Variants in SLC38A3 observed in about 807,000 individuals in gnomAD.
SLC38A3 encodes solute carrier family 38 member 3.
SLC38A3 carries 17 observed loss-of-function variants against 59.5 expected under a neutral mutation model. That is an observed-to-expected ratio of 0.29 (90% confidence interval 0.20 to 0.43). SLC38A3 has a LOEUF of 0.43. Ranked by LOEUF, SLC38A3 falls within the 20% of genes least tolerant of loss-of-function variation. SLC38A3 has a pLI of 1.00. For synonymous variants in SLC38A3, 238 were observed against 260.3 expected (o/e 0.91, Z 0.82); for missense variants, 454 against 653.9 (o/e 0.69, Z 3.33).
rs781153412 is a variant in SLC38A3, at chr3:50,217,489, T to C, written c.690+16T>C. 1 of 1,612,282 alleles carries C rather than the reference T, an allele frequency of 6.2e-7. No homozygotes were observed. Among genetic ancestry groups the C allele is most frequent in the Non-Finnish European group, 8.5e-7 (1 of 1,179,120 alleles). On this transcript the variant is annotated intron_variant, in intron 9 of 15. Transcript: ENST00000614032. This position sits in a 1 kb window ranked among gnomAD's most constrained non-coding sequence, Gnocchi z 4.9. ...CCTAATTGCAGTGAGTCACCCTCCA[T>C]GTTGGCTGAGAAAGCGGGCAGCGGG...
At chr3:50,206,477 T>C (rs1261163658) in intron 1 of SLC38A3, among the ~76,000 whole-genome samples, 1 of 152,212 alleles carries the variant, frequency 6.6e-6, no homozygotes, top group Non-Finnish European at 1.5e-5. Context: ...CATTTCCTTC[T>C]GGAAAGGAAG....
Position 50,220,251 on chromosome 3 carries a change from G to C in SLC38A3, c.*74G>C, listed in dbSNP as rs1699878718. ...ACTCTTCAGCCCCTGCTCCCATCCA[G>C]TGGCCAGTCGGGGGAGGAGAAAGAC... On this transcript the variant is annotated 3_prime_UTR_variant, in exon 16 of 16. Transcript: ENST00000614032. The C allele has an allele frequency of 5.2e-6, 6 of 1,155,474 alleles. No individual in the cohort carries two copies. The highest frequency in any genetic ancestry group is 7.6e-6 in the Non-Finnish European group (6 of 794,250). The allele number at this position is 1,155,474 out of a possible 1,614,324, so 71.6% of individuals were successfully genotyped here.
chr3:50,215,730 C>G lies in SLC38A3; in HGVS notation c.467-10C>G. ...CCTCAGCGCCTGCCTGCCCGCCCCT[C>G]TCCCCACAGCCATGTCCAGCTACCT... On this transcript the variant is annotated splice_polypyrimidine_tract_variant and intron_variant, in intron 6 of 15. Transcript: ENST00000614032. This position sits in a 1 kb window ranked among gnomAD's most constrained non-coding sequence, Gnocchi z 7.1. 6.2e-7 allele frequency: 1 copy of G among 1,604,852 alleles called. No individual in the cohort carries two copies. The highest frequency in any genetic ancestry group is 8.5e-7 in the Non-Finnish European group (1 of 1,176,190).
Position 50,214,163 on chromosome 3 carries a change from G to T in SLC38A3, c.-37G>T, listed in dbSNP as rs1016163305. On this transcript the variant is annotated 5_prime_UTR_variant, in exon 2 of 16. Coordinates refer to ENST00000614032, the MANE Select transcript of SLC38A3 (RefSeq NM_006841.6). This position sits in a 1 kb window ranked among gnomAD's most constrained non-coding sequence, Gnocchi z 6.0. ...CTGCTCTGCAGACATCTGACTGTTGGTGTGAGACCAGTGCTCCTGGTGGTG... is the reference window on the plus strand; with the variant it reads ...CTGCTCTGCAGACATCTGACTGTTGTTGTGAGACCAGTGCTCCTGGTGGTG... 11 of 1,589,116 alleles carry T rather than the reference G, an allele frequency of 6.9e-6. No individual in the cohort carries two copies. The African/African-American group carries it at 1.3e-4, about 19-fold the overall frequency.
In SLC38A3 at chr3:50,217,483, C is replaced by T. The variant is rs587763777; in HGVS notation, c.690+10C>T. The T allele has an allele frequency of 2.5e-5, 41 of 1,612,504 alleles. No individual in the cohort carries two copies. In the African/African-American group the frequency reaches 4.5e-4, roughly 18 times the overall value. ...GTTCTTCCTAATTGCAGTGAGTCAC[C>T]CTCCATGTTGGCTGAGAAAGCGGGC... is the stretch of plus-strand genomic sequence containing the variant. On this transcript the variant is annotated intron_variant, in intron 9 of 15. Coordinates refer to ENST00000614032, the MANE Select transcript of SLC38A3 (RefSeq NM_006841.6). The surrounding 1 kb of genome is among the most constrained non-coding windows in gnomAD (Gnocchi z 4.9).
rs1021111491 is a variant in SLC38A3, at chr3:50,218,394, G to A, written c.1036+24G>A. 6.4e-7 allele frequency: 1 copy of A among 1,571,988 alleles called. No individual in the cohort carries two copies. Among genetic ancestry groups the A allele is most frequent in the Non-Finnish European group, 8.8e-7 (1 of 1,141,842 alleles). The stretch of plus-strand genomic sequence containing the variant: ...CAGTACGGTGGCACCGGTGGGCAGA[G>A]GCCTAGGCTAGGCTGGGGGGAAGGG... On this transcript the variant is annotated intron_variant, in intron 12 of 15. Transcript: ENST00000614032. This position sits in a 1 kb window ranked among gnomAD's most constrained non-coding sequence, Gnocchi z 5.8.
At chr3:50,208,589 G>T (rs1699678146) in intron 1 of SLC38A3, among the ~76,000 whole-genome samples, 1 of 152,172 alleles carries the variant, frequency 6.6e-6, no homozygotes, top group African/African-American at 2.4e-5. Context: ...CTGTCTTGTT[G>T]TCTGTCTCTT....
chr3:50,213,522 G>C (rs1368135124), intron 1 of SLC38A3, among the ~76,000 whole-genome samples: 1 of 152,194 alleles, frequency 6.6e-6, no homozygotes, highest in South Asian at 2.1e-4. Flanking sequence ...CTCTGGGGAG[G>C]GGGGACAGCC....
At position 50,218,737 on chromosome 3, in the gene SLC38A3, G is replaced by A; in HGVS notation, c.1161+20G>A. ...TTCCCGGTGAGCTGGTGGGCAGGTG[G>A]CTAGACTAGTGGCGGGAGGGGCTGA... On this transcript the variant is annotated intron_variant, in intron 13 of 15. Coordinates refer to ENST00000614032, the MANE Select transcript of SLC38A3 (RefSeq NM_006841.6). This position sits in a 1 kb window ranked among gnomAD's most constrained non-coding sequence, Gnocchi z 5.8. 6.2e-7 allele frequency: 1 copy of A among 1,602,258 alleles called. No individual in the cohort carries two copies. The highest frequency in any genetic ancestry group is 8.5e-7 in the Non-Finnish European group (1 of 1,169,938).
At chr3:50,219,835 A>G in intron 14 of SLC38A3, 46 bp from the exon 15 acceptor site, 10 of 1,501,712 alleles carry the variant, frequency 6.7e-6, no homozygotes, top group Non-Finnish European at 9.1e-6. Flanking sequence ...AACCTTAGTC[A>G]GTAGGAGGAT....
chr3:50,209,660 A>AAAAAAAAAAAAAAAAAAAAAAAAC (rs1699696900), intron 1 of SLC38A3, among the ~76,000 whole-genome samples: 1 of 151,450 alleles, frequency 6.6e-6, no homozygotes, highest in African/African-American at 2.4e-5. Flanking sequence ...AAAAAAAAAA[A>AAAAAAAAAAAAAAAAAAAAAAAAC]CAAGAAAAAA....
At chr3:50,211,109 C>T (rs1699720209) in intron 1 of SLC38A3, among the ~76,000 whole-genome samples, 1 of 152,224 alleles carries the variant, frequency 6.6e-6, no homozygotes, top group African/African-American at 2.4e-5. Flanking sequence ...TGGGCTTTCA[C>T]CACAGGGGAT....
chr3:50,217,628 G>A lies in SLC38A3; in HGVS notation c.691-48G>A. On this transcript the variant is annotated intron_variant, in intron 9 of 15. Transcript: ENST00000614032. The surrounding 1 kb of genome is among the most constrained non-coding windows in gnomAD (Gnocchi z 4.9). ...ATGTGGCTTCATGGTGACTTCCCAG[G>A]CAGTCCAGCCTGGGAGTCTCTGACA... 6.2e-7 allele frequency: 1 copy of A among 1,607,068 alleles called. No homozygotes were observed.
At chr3:50,209,581 G>A (rs543849893) in intron 1 of SLC38A3, among the ~76,000 whole-genome samples, 8 of 151,938 alleles carry the variant, frequency 5.3e-5, no homozygotes, top group African/African-American at 1.7e-4. Context: ...CCCAGGAGGC[G>A]GAGGTTGCAG....
At chr3:50,213,526 G>T (rs1699764774) in intron 1 of SLC38A3, among the ~76,000 whole-genome samples, 1 of 152,204 alleles carries the variant, frequency 6.6e-6, no homozygotes, top group Non-Finnish European at 1.5e-5. Flanking sequence ...GGGGAGGGGG[G>T]ACAGCCTCTG....
In SLC38A3 at chr3:50,221,075, G is replaced by A. The variant is rs984780993; in HGVS notation, c.*898G>A. 6.6e-6 allele frequency: 1 copy of A among 152,232 alleles called. No individual in the cohort carries two copies. The highest frequency in any genetic ancestry group is 2.4e-5 in the African/African-American group (1 of 41,414). The allele number at this position is 152,232 out of a possible 1,614,324, so 9.4% of individuals were successfully genotyped here. On this transcript the variant is annotated 3_prime_UTR_variant, in exon 16 of 16. Transcript: ENST00000614032. Reference sequence around the variant, plus strand: ...GGTGATGGAGGGCCCCCGTCTCCTTGTCTGGGATGAGGGTGGGGACAGGGC... The same window carrying A: ...GGTGATGGAGGGCCCCCGTCTCCTTATCTGGGATGAGGGTGGGGACAGGGC...
chr3:50,206,173 C>A (rs1271970536), intron 1 of SLC38A3, among the ~76,000 whole-genome samples: 2 of 152,282 alleles, frequency 1.3e-5, no homozygotes, highest in African/African-American at 2.4e-5. Flanking sequence ...TACACCCAGG[C>A]AGGGGGAGGC....
chr3:50,219,606 T>G (rs1271971006), intron 14 of SLC38A3, among the ~76,000 whole-genome samples: 1 of 152,246 alleles, frequency 6.6e-6, no homozygotes, highest in Non-Finnish European at 1.5e-5. Flanking sequence ...CCAATACCCT[T>G]AAGCCCTCAT....
At position 50,218,577 on chromosome 3, in the gene SLC38A3, T is replaced by A. The variant is rs752163154; in HGVS notation, c.1037-16T>A. 4.3e-6 allele frequency: 7 copies of A among 1,609,722 alleles called. No individual in the cohort carries two copies. The African/African-American group carries it at 9.3e-5, about 21-fold the overall frequency. On this transcript the variant is annotated splice_polypyrimidine_tract_variant and intron_variant, in intron 12 of 15. Transcript: ENST00000614032. This position sits in a 1 kb window ranked among gnomAD's most constrained non-coding sequence, Gnocchi z 5.8. ...TCCTGGGGCCACCTACTGACCACCC[T>A]CCCTGCCTGCCACAGACGGGGTGGA... is the stretch of plus-strand genomic sequence containing the variant.
Sources: gnomAD v4.1 joint callset for allele counts (sites outside exome capture counted in the v4.1 genomes callset) on GRCh38, gnomAD v4.1.1 for gene constraint, Gnocchi (gnomAD v3.1) non-coding constraint, MANE v1.5 for transcripts, NCBI Gene and HGNC (gene_info 2026-07-23, HGNC 2026-07-21) for gene names.